FRMD4B: variants seen among roughly 807,000 people sequenced by gnomAD.
The protein encoded by FRMD4B is FERM domain containing 4B.
In FRMD4B, 74 loss-of-function variants were observed where a neutral mutation model predicts 141.5. The observed-to-expected ratio is 0.52, with a 90% confidence interval of 0.43 to 0.63. The LOEUF (loss-of-function observed/expected upper bound fraction) is 0.63, where lower values mean the gene tolerates loss of function less well. FRMD4B is among the 30% of genes least tolerant of loss of function. The pLI is 0.00. For missense variants in FRMD4B, 1,366 were observed against 1,253.4 expected (o/e 1.09, Z -1.36); for synonymous variants, 506 against 467.9 (o/e 1.08, Z -1.05).
chr3:69,219,366 C>T (rs2093171988), intron 9 of FRMD4B, among the ~76,000 whole-genome samples: 1 of 151,996 alleles, frequency 6.6e-6, no homozygotes, highest in Admixed American at 6.6e-5. Context: ...TGATCAATTT[C>T]TCCAGGAAGT....
At chr3:69,221,749 A>T (rs188856249) in intron 9 of FRMD4B, 109 bp downstream of exon 9, 2 of 694,400 alleles carry the variant, frequency 2.9e-6, no homozygotes, top group Non-Finnish European at 5.3e-6. Context: ...GATATTTCTA[A>T]CCAGATAAGG....
chr3:69,288,460 T>C (rs1700766764), intron 4 of FRMD4B, among the ~76,000 whole-genome samples: 1 of 152,256 alleles, frequency 6.6e-6, no homozygotes, highest in African/African-American at 2.4e-5. Context: ...CAGGGTATTC[T>C]GGGCCTCACT....
intron 5 of FRMD4B, among the ~76,000 whole-genome samples, chr3:69,253,005 T>C (rs2093472456): frequency 6.6e-6 from 1 of 152,120 alleles, no homozygotes. Flanking sequence ...ATTCAATCAA[T>C]AGGTCACCGG....
In FRMD4B at chr3:69,253,591, G is replaced by A. The variant is rs535311335; in HGVS notation, c.502-3492C>T. 2.6e-5 allele frequency among the ~76,000 whole-genome samples: 4 copies of A among 152,178 alleles called. No homozygotes were observed. The East Asian group carries it at 7.7e-4, about 29-fold the overall frequency. On this transcript the variant is annotated intron_variant, in intron 5 of 22. Coordinates refer to ENST00000398540, the MANE Select transcript of FRMD4B (RefSeq NM_015123.3). ...TTAATACTGTGGTCATAAATACTTA[G>A]GATTTAGACATACTTGAGAAACTAC...
At chr3:69,361,318 A>C (rs568400663) in intron 1 of FRMD4B, among the ~76,000 whole-genome samples, 1 of 152,294 alleles carries the variant, frequency 6.6e-6, no homozygotes, top group African/African-American at 2.4e-5. Context: ...ACCTGGGATA[A>C]AAAGATGCTC....
intron 2 of FRMD4B, among the ~76,000 whole-genome samples, chr3:69,431,142 C>T (rs1489979901): frequency 6.6e-6 from 1 of 152,166 alleles, no homozygotes; most frequent in Admixed American, 6.5e-5. Flanking sequence ...GGAGGTGAGG[C>T]TAGAGACAAT....
intron 1 of FRMD4B, among the ~76,000 whole-genome samples, chr3:69,463,052 G>C (rs17354285): frequency 0.17 from 25,773 of 152,180 alleles, 2,646 homozygotes; most frequent in Non-Finnish European, 0.24. Flanking sequence ...TAGTACCCAA[G>C]CTTTCATTTT....
intron 2 of FRMD4B, among the ~76,000 whole-genome samples, chr3:69,422,651 T>C (rs1179244553): frequency 2.0e-5 from 3 of 152,182 alleles, no homozygotes; most frequent in Non-Finnish European, 2.9e-5. Flanking sequence ...CCTTATTACA[T>C]GAAAGCAGCT....
chr3:69,513,632 G>T (rs1394715184), intron 1 of FRMD4B, among the ~76,000 whole-genome samples: 1 of 151,934 alleles, frequency 6.6e-6, no homozygotes, highest in East Asian at 1.9e-4. Context: ...AAATAATGAT[G>T]AAAAAACTTC....
At chr3:69,314,227 TAA>T (rs59090061) in intron 1 of FRMD4B, among the ~76,000 whole-genome samples, 1 of 109,230 alleles carries the variant, frequency 9.2e-6, no homozygotes, top group Non-Finnish European at 1.7e-5. Context: ...AATGTTTTAT[TAA>T]AAAAAAAAAA....
intron 1 of FRMD4B, among the ~76,000 whole-genome samples, chr3:69,439,061 ATGTG>A (rs5849901): frequency 8.6e-5 from 13 of 150,326 alleles, no homozygotes; most frequent in Non-Finnish European, 1.0e-4. Context: ...GTGTGTGTGT[ATGTG>A]TGTGTGTGTG....
chr3:69,240,623 T>C (rs1358451192), intron 7 of FRMD4B, among the ~76,000 whole-genome samples: 1 of 152,168 alleles, frequency 6.6e-6, no homozygotes, highest in Non-Finnish European at 1.5e-5. Flanking sequence ...AAAAATTATT[T>C]ATGGTCAACT....
At chr3:69,211,724 C>T (rs1404775805) in intron 11 of FRMD4B, among the ~76,000 whole-genome samples, 3 of 152,148 alleles carry the variant, frequency 2.0e-5, no homozygotes, top group Non-Finnish European at 4.4e-5. Context: ...TCATTATAGC[C>T]TTTGTTTCAT....
At chr3:69,234,760 A>G (rs2093333385) in intron 7 of FRMD4B, among the ~76,000 whole-genome samples, 1 of 152,220 alleles carries the variant, frequency 6.6e-6, no homozygotes, top group South Asian at 2.1e-4. Context: ...GCTCCACCCC[A>G]GACCTACTGG....
chr3:69,173,223 T>C (rs1205616711), intron 22 of FRMD4B, among the ~76,000 whole-genome samples: 2 of 152,194 alleles, frequency 1.3e-5, no homozygotes, highest in Admixed American at 6.5e-5. Flanking sequence ...TTGGCAGCAG[T>C]AGAGCCAAGA....
At chr3:69,201,064 T>A (rs1369483755) in intron 11 of FRMD4B, among the ~76,000 whole-genome samples, 3 of 152,214 alleles carry the variant, frequency 2.0e-5, no homozygotes, top group Non-Finnish European at 4.4e-5. Flanking sequence ...GGACTTCAGC[T>A]TAGAGAATTT....
intron 5 of FRMD4B, among the ~76,000 whole-genome samples, chr3:69,265,250 ATCTC>A (rs2106884793): frequency 2.7e-5 from 1 of 36,426 alleles, no homozygotes; most frequent in South Asian, 1.2e-3. Flanking sequence ...GCGAGACTCC[ATCTC>A]AAAAAAAAAA....
In FRMD4B at chr3:69,221,720, A is replaced by C. The variant is rs147498723; in HGVS notation, c.731+138T>G. The C allele has an allele frequency of 1.9e-5, 12 of 640,522 alleles. No homozygotes were observed. In the African/African-American group the frequency reaches 2.2e-4, roughly 12 times the overall value. 39.7% of individuals were successfully genotyped at this position (640,522 alleles called of 1,614,324 possible). On this transcript the variant is annotated intron_variant, in intron 9 of 22. Transcript: ENST00000398540. ...ACCAATGTATAGAATGACCGAAGACATTTTCTAATTCACAGTAAGATATTT... is the reference window on the plus strand; with the variant it reads ...ACCAATGTATAGAATGACCGAAGACCTTTTCTAATTCACAGTAAGATATTT...
rs59738906 is a variant in FRMD4B at position 69,262,242 on chromosome 3, C to T, written c.502-12143G>A. Among the ~76,000 whole-genome samples, 1,401 of 152,276 alleles carry T rather than the reference C, an allele frequency of 9.2e-3. 21 individuals carry two copies. The highest frequency in any genetic ancestry group is 0.032 in the African/African-American group (1,350 of 41,552). Reference sequence around the variant, plus strand: ...TCAGCCTCCCGAAATGCTAGGATTACAGGCACGAACCACCATGCCAGGCTT... The same window carrying T: ...TCAGCCTCCCGAAATGCTAGGATTATAGGCACGAACCACCATGCCAGGCTT... On this transcript the variant is annotated intron_variant, in intron 5 of 22. Coordinates refer to ENST00000398540, the MANE Select transcript of FRMD4B (RefSeq NM_015123.3).
Sources: gnomAD v4.1 joint callset for allele counts (sites outside exome capture counted in the v4.1 genomes callset) on GRCh38, gnomAD v4.1.1 for gene constraint, MANE v1.5 for transcripts, NCBI Gene and HGNC (gene_info 2026-07-23, HGNC 2026-07-21) for gene names.